Variants in SPON1 observed in about 807,000 individuals in gnomAD.
SPON1 encodes spondin 1, also known as spondin-1.
In SPON1, 52 loss-of-function variants were observed where a neutral mutation model predicts 111.7. The observed-to-expected ratio is 0.47, with a 90% CI of 0.37 to 0.59. The LOEUF (loss-of-function observed/expected upper bound fraction) is 0.59, where lower values mean the gene tolerates loss of function less well. Ranked by LOEUF, SPON1 falls within the 20% of genes least tolerant of loss-of-function variation. The probability of loss-of-function intolerance (pLI) is 0.00; values close to 1 mark genes in which losing one functional copy is unlikely to be tolerated. For synonymous variants in SPON1, 410 were observed against 395.8 expected (o/e 1.04, Z -0.43); for missense variants, 957 against 1,068.5 (o/e 0.90, Z 1.46).
At chr11:14,254,925 C>T (rs1554941043) in intron 8 of SPON1, among the ~76,000 whole-genome samples, 196 bp downstream of exon 8, 1 of 152,080 alleles carries the variant, frequency 6.6e-6, no homozygotes, top group African/African-American at 2.4e-5. Context: ...CAGGAGAGCA[C>T]GGAGAGGGAA....
At chr11:14,074,667 G>T (rs1416057277) in intron 3 of SPON1, among the ~76,000 whole-genome samples, 1 of 152,180 alleles carries the variant, frequency 6.6e-6, no homozygotes, top group East Asian at 1.9e-4. Flanking sequence ...AACAGAGTGG[G>T]TTAAAATAAA....
In SPON1 at chr11:14,199,470, T is replaced by C. The variant is rs115884604; in HGVS notation, c.826-43862T>C. ...TCTCCCTCTTACTCCTCTATCTCTT[T>C]CCTGGTTCAGGCCTCATCACCTCTT... On this transcript the variant is annotated intron_variant, in intron 6 of 15. Coordinates refer to ENST00000576479, the MANE Select transcript of SPON1 (RefSeq NM_006108.4). Among the ~76,000 whole-genome samples the C allele has an allele frequency of 1.6e-3, 248 of 151,984 alleles. 1 individual carries two copies. Among genetic ancestry groups the C allele is most frequent in the African/African-American group, 5.8e-3 (239 of 41,428 alleles).
In SPON1 at chr11:14,260,632, T is replaced by G. The variant is rs1554941817; in HGVS notation, c.1876T>G (p.Cys626Gly). Residue 626 changes from cysteine to glycine, a missense_variant, in exon 14 of 16, where the codon TGC (cysteine) becomes GGC (glycine). By Grantham distance (159) the Cys-to-Gly change is radical (BLOSUM62 -3). Transcript: ENST00000576479. Reference protein sequence around the residue: ...LLSPWSEWSDCSVTCGKGMRT... With the variant: ...LLSPWSEWSDGSVTCGKGMRT... ...GTCCCCATGGTCCGAGTGGAGTGACTGCAGCGTGACCTGCGGGAAGGGCAT... is the reference window on the plus strand; with the variant it reads ...GTCCCCATGGTCCGAGTGGAGTGACGGCAGCGTGACCTGCGGGAAGGGCAT... 6.2e-7 allele frequency: 1 copy of G among 1,613,990 alleles called. No homozygotes were observed. The highest frequency in any genetic ancestry group is 1.1e-5 in the South Asian group (1 of 91,082).
intron 5 of SPON1, among the ~76,000 whole-genome samples, chr11:14,130,217 A>C (rs993964030): frequency 6.6e-6 from 1 of 152,200 alleles, no homozygotes; most frequent in African/African-American, 2.4e-5. Flanking sequence ...ACTCCAGAAC[A>C]CATGTTCATC....
At chr11:14,042,130 T>A (rs1848635770) in intron 3 of SPON1, among the ~76,000 whole-genome samples, 2 of 152,136 alleles carry the variant, frequency 1.3e-5, no homozygotes, top group South Asian at 2.1e-4. Flanking sequence ...TGCCACTTCC[T>A]ATCTGGCCTC....
At chr11:13,981,548 G>A (rs782000131) in intron 1 of SPON1, among the ~76,000 whole-genome samples, 30 of 152,248 alleles carry the variant, frequency 2.0e-4, no homozygotes, top group Admixed American at 1.7e-3. Context: ...GGATGGTCTC[G>A]AACTCTTGAC....
At chr11:14,192,872 C>T (rs2133892746) in intron 6 of SPON1, among the ~76,000 whole-genome samples, 2 of 152,102 alleles carry the variant, frequency 1.3e-5, no homozygotes, top group South Asian at 4.2e-4. Flanking sequence ...AAGAACCAAA[C>T]CAGAGATGCT....
At chr11:14,200,814 TAAAAAAAAAAAAAAAAAAA>T (rs572814576) in intron 6 of SPON1, among the ~76,000 whole-genome samples, 3 of 79,350 alleles carry the variant, frequency 3.8e-5, no homozygotes, top group African/African-American at 1.7e-4. Flanking sequence ...GACCCTGTCT[TAAAAAAAAAAAAAAAAAAA>T]AAAAAAAAAA....
At chr11:14,232,284 C>T (rs943082729) in intron 6 of SPON1, among the ~76,000 whole-genome samples, 22 of 151,998 alleles carry the variant, frequency 1.4e-4, no homozygotes, top group Admixed American at 1.0e-3. Flanking sequence ...GTTATGTCTG[C>T]CTCCTCCTCC....
At chr11:14,227,664 T>C (rs1240545925) in intron 6 of SPON1, among the ~76,000 whole-genome samples, 1 of 152,228 alleles carries the variant, frequency 6.6e-6, no homozygotes, top group African/African-American at 2.4e-5. Flanking sequence ...TTTGAAATCA[T>C]TCTACATTTA....
chr11:14,239,397 A>G (rs1311937026), intron 6 of SPON1, among the ~76,000 whole-genome samples: 4 of 152,224 alleles, frequency 2.6e-5, no homozygotes, highest in African/African-American at 9.6e-5. Context: ...TATTTCACAG[A>G]TGAGAAAACT....
chr11:14,127,387 T>C (rs1165767557), intron 5 of SPON1, among the ~76,000 whole-genome samples: 1 of 151,314 alleles, frequency 6.6e-6, no homozygotes, highest in Non-Finnish European at 1.5e-5. Context: ...TGTCTCACAC[T>C]CCTGGCCCCT....
At chr11:14,151,058 G>A (rs986976319) in intron 6 of SPON1, among the ~76,000 whole-genome samples, 1 of 152,218 alleles carries the variant, frequency 6.6e-6, no homozygotes, top group Non-Finnish European at 1.5e-5. Context: ...GCTGTTCCAA[G>A]AGCTGAATCC....
intron 6 of SPON1, among the ~76,000 whole-genome samples, chr11:14,241,363 C>A (rs1554939671): frequency 6.6e-6 from 1 of 152,088 alleles, no homozygotes; most frequent in Admixed American, 6.6e-5. Flanking sequence ...TTGTGAGGAG[C>A]CTTTGAAGGG....
intron 2 of SPON1, 108 bp from the exon 3 acceptor site, chr11:14,041,413 C>T (rs1848630334): frequency 3.0e-6 from 4 of 1,343,192 alleles, no homozygotes; most frequent in Non-Finnish European, 2.0e-6. Flanking sequence ...GAGTTGCTAA[C>T]ATAAAATGAT....
intron 7 of SPON1, among the ~76,000 whole-genome samples, chr11:14,244,872 C>T (rs914687395): frequency 6.6e-6 from 1 of 152,212 alleles, no homozygotes; most frequent in African/African-American, 2.4e-5. Flanking sequence ...GCGGAACACA[C>T]GTCGGGGTTC....
intron 6 of SPON1, among the ~76,000 whole-genome samples, chr11:14,155,282 C>T (rs1025567660): frequency 2.0e-5 from 3 of 152,142 alleles, no homozygotes; most frequent in Non-Finnish European, 4.4e-5. Flanking sequence ...AGTCCATTCT[C>T]ACATTGCTAT....
intron 2 of SPON1, among the ~76,000 whole-genome samples, chr11:14,013,106 C>T (rs1357643716): frequency 6.6e-6 from 1 of 152,194 alleles, no homozygotes; most frequent in Non-Finnish European, 1.5e-5. Context: ...CAGCCTGAAC[C>T]TAGGATGTTG....
At chr11:14,126,000 G>A (rs180988673) in intron 5 of SPON1, among the ~76,000 whole-genome samples, 1 of 152,228 alleles carries the variant, frequency 6.6e-6, no homozygotes, top group East Asian at 1.9e-4. Flanking sequence ...TCCAAAGGCA[G>A]GGGGAAAAAA....
Sources: allele counts gnomAD v4.1 joint callset (sites outside exome capture counted in the v4.1 genomes callset), GRCh38; gene constraint gnomAD v4.1.1; transcripts MANE v1.5; gene names NCBI Gene and HGNC (gene_info 2026-07-23, HGNC 2026-07-21).